The following NOC3L variants were observed in gnomAD, a reference collection of about 807,000 sequenced individuals.
NOC3L encodes the protein NOC3 like DNA replication regulator, also known as nucleolar complex protein 3 homolog.
In NOC3L, 85 loss-of-function variants were observed where a neutral mutation model predicts 102.5. That is an observed-to-expected ratio of 0.83 (90% CI 0.70 to 0.99). The LOEUF is 0.99. Among genes scored for constraint, NOC3L ranks in the 50% least tolerant of loss-of-function variants. NOC3L has a pLI of 0.00. For missense variants in NOC3L, 878 were observed against 914.9 expected, an observed-to-expected ratio of 0.96 and a Z score of 0.52; for synonymous variants, 303 against 309.4, an observed-to-expected ratio of 0.98 and a Z score of 0.22.
At chr10:94,320,658 G>A in the NOC3L span, among the ~76,000 whole-genome samples, 1 of 152,210 alleles carries the variant, frequency 6.6e-6, no homozygotes, top group Non-Finnish European at 1.5e-5. Flanking sequence ...CTCACTTGCT[G>A]AGATGAGGTT....
chr10:94,338,578 CA>C, intron 18 of NOC3L, 29 bp downstream of exon 18: 1 of 1,467,074 alleles, frequency 6.8e-7, no homozygotes, highest in Non-Finnish European at 9.1e-7. Context: ...CAAACATCCC[CA>C]AAAAGAAAAA....
chr10:94,348,110 A>T (rs10882435), intron 10 of NOC3L, among the ~76,000 whole-genome samples: 37,186 of 149,706 alleles, frequency 0.25, 4,698 homozygotes, highest in Middle Eastern at 0.41. Flanking sequence ...GTCAGATTAT[A>T]TCAAATATAT....
In NOC3L at chr10:94,334,327, G is replaced by A. The variant is rs760035865; in HGVS notation, c.2275-22C>T. ...TACCCTAGGAAAATATTTAAAGTAT[G>A]AGTTAGAAGTTACTTATGCTATAAG... On this transcript the variant is annotated intron_variant, in intron 20 of 20. Transcript: ENST00000371361. The A allele has an allele frequency of 9.4e-6, 14 of 1,492,756 alleles. No homozygotes were observed. In the African/African-American group the frequency reaches 1.1e-4, roughly 12 times the overall value. 92.5% of individuals were successfully genotyped at this position (1,492,756 alleles called of 1,614,324 possible).
At chr10:94,362,503 G>A (rs1435199840) in intron 1 of NOC3L, among the ~76,000 whole-genome samples, 1 of 152,104 alleles carries the variant, frequency 6.6e-6, no homozygotes, top group Non-Finnish European at 1.5e-5. Context: ...CATGGGTACC[G>A]TGACTCACAT....
chr10:94,355,223 TCTC>T (rs1274990275), intron 5 of NOC3L, 130 bp from the exon 6 acceptor site: 2 of 682,302 alleles, frequency 2.9e-6, no homozygotes, highest in African/African-American at 3.6e-5. Flanking sequence ...CTACACATCA[TCTC>T]CTCAACAATA....
chr10:94,316,800 G>GTGA, the NOC3L span: 1 of 1,419,072 alleles, frequency 7.0e-7, no homozygotes, highest in Admixed American at 1.7e-5. Flanking sequence ...GACTCATTAT[G>GTGA]TGATTAGCCA....
intron 7 of NOC3L, 25 bp downstream of exon 7, chr10:94,352,871 A>G: frequency 6.3e-7 from 1 of 1,590,884 alleles, no homozygotes; most frequent in Non-Finnish European, 8.6e-7. Context: ...TTAGATAGTA[A>G]TTATATCTAG....
chr10:94,336,408 C>T (rs1457502913), intron 19 of NOC3L, among the ~76,000 whole-genome samples: 4 of 151,536 alleles, frequency 2.6e-5, no homozygotes, highest in Admixed American at 1.3e-4. Context: ...AGTGCAATGG[C>T]GAGATCTCGA....
the NOC3L span, among the ~76,000 whole-genome samples, chr10:94,319,864 C>CCTTTTTTT: frequency 1.9e-4 from 18 of 92,914 alleles, no homozygotes; most frequent in African/African-American, 5.6e-4. Context: ...CAAAGGTGCT[C>CCTTTTTTT]TTTTTTTTTT....
chr10:94,322,103 A>T, the NOC3L span: 1 of 1,567,766 alleles, frequency 6.4e-7, no homozygotes, highest in South Asian at 1.1e-5. Flanking sequence ...TCCTCAGCAT[A>T]AATTATTGGA....
Position 94,334,300 on chromosome 10 carries a change from T to A in NOC3L, c.2280A>T (p.Lys760Asn), listed in dbSNP as rs1477211791. The change falls in exon 21 of 21, where the codon AAA becomes AAT. Residue 760 changes from lysine (K) to asparagine (N), a missense_variant. Lys to Asn is a moderately conservative substitution (Grantham distance 94). Coordinates refer to ENST00000371361, the MANE Select transcript of NOC3L (RefSeq NM_022451.11). Reference sequence around the variant, plus strand: ...TCAAAAATGAATCCCCTTGTAAAAATTTACCCTAGGAAAATATTTAAAGTA... The same window carrying A: ...TCAAAAATGAATCCCCTTGTAAAAAATTACCCTAGGAAAATATTTAAAGTA... ...VESSNPKIKGKFLQGDSFLNE... is the reference protein window; with the variant it reads ...VESSNPKIKGNFLQGDSFLNE... 6 of 1,585,902 alleles carry A rather than the reference T, an allele frequency of 3.8e-6. No homozygotes were observed. Among genetic ancestry groups the A allele is most frequent in the Non-Finnish European group, 5.2e-6 (6 of 1,157,422 alleles).
At chr10:94,357,939 A>AT in intron 3 of NOC3L, 144 bp downstream of exon 3, 2 of 626,550 alleles carry the variant, frequency 3.2e-6, no homozygotes. Flanking sequence ...AACCTCCTTT[A>AT]TTTAGGAAAT....
intron 19 of NOC3L, among the ~76,000 whole-genome samples, chr10:94,335,389 C>T (rs955953705): frequency 6.6e-6 from 1 of 151,938 alleles, no homozygotes; most frequent in Non-Finnish European, 1.5e-5. Context: ...GAAAACATGC[C>T]ATAAAATAAT....
intron 4 of NOC3L, 98 bp downstream of exon 4, chr10:94,357,076 G>C (rs573504678): frequency 2.2e-6 from 2 of 917,634 alleles, no homozygotes; most frequent in African/African-American, 3.4e-5. Context: ...TCTAGATATG[G>C]GTAAAATCAA....
downstream of NOC3L, chr10:94,330,452 G>T (rs2054146053): frequency 6.6e-6 from 1 of 152,322 alleles, no homozygotes; most frequent in African/African-American, 2.4e-5. Context: ...GGCTGAGGTG[G>T]GTGGATCACC....
chr10:94,334,539 A>AG, intron 20 of NOC3L, 95 bp downstream of exon 20: 1 of 882,924 alleles, frequency 1.1e-6, no homozygotes, highest in African/African-American at 1.7e-5. Context: ...TAAAAAAAAA[A>AG]CTACCTATAA....
At position 94,353,032 on chromosome 10, in the gene NOC3L, G is replaced by C. The variant is rs370275584; in HGVS notation, c.722C>G (p.Ser241Cys). 155 of 1,607,906 alleles carry C rather than the reference G, an allele frequency of 9.6e-5. No homozygotes were observed. The highest frequency in any genetic ancestry group is 1.2e-4 in the Non-Finnish European group (142 of 1,178,354). The change falls in exon 7 of 21, where the codon TCT (serine) becomes TGT (cysteine). Residue 241 changes from serine to cysteine, a missense_variant. Transcript: ENST00000371361. ...ATCAGGATCTTGTTCCATCAACATAGAACGTAATTCTTTCAATTTTTTAAT... is the reference window on the plus strand; with the variant it reads ...ATCAGGATCTTGTTCCATCAACATACAACGTAATTCTTTCAATTTTTTAAT... ...NNIKKLKELR[S>C]MLMEQDPDVA...
At chr10:94,347,593 T>A (rs532989944) in intron 10 of NOC3L, among the ~76,000 whole-genome samples, 4 of 152,108 alleles carry the variant, frequency 2.6e-5, no homozygotes, top group African/African-American at 9.6e-5. Flanking sequence ...GAAATCAGAT[T>A]TAAGAAAATA....
chr10:94,325,113 A>G, the NOC3L span: 1 of 1,578,084 alleles, frequency 6.3e-7, no homozygotes, highest in Non-Finnish European at 8.7e-7. Flanking sequence ...AGGTATAGTA[A>G]GTCATTGCAC....
Sources: allele counts gnomAD v4.1 joint callset (sites outside exome capture counted in the v4.1 genomes callset), GRCh38; gene constraint gnomAD v4.1.1; transcripts MANE v1.5; gene names NCBI Gene and HGNC (gene_info 2026-07-23, HGNC 2026-07-21).